The following MGAT5B variants were observed in gnomAD, a reference collection of about 807,000 sequenced individuals.
The protein encoded by MGAT5B is alpha-1,6-mannosylglycoprotein 6-beta-N-acetylglucosaminyltransferase B.
Under a neutral mutation model 95.1 loss-of-function variants are expected in MGAT5B, and 54 were observed. That is an observed-to-expected ratio of 0.57 (90% CI 0.46 to 0.71). The LOEUF is 0.71. MGAT5B is among the 30% of genes least tolerant of loss of function. The probability of loss-of-function intolerance (pLI) is 0.00; values close to 1 mark genes in which losing one functional copy is unlikely to be tolerated. For missense variants in MGAT5B, 935 were observed against 1,088.6 expected (o/e 0.86, Z 1.99); for synonymous variants, 464 against 451.0 (o/e 1.03, Z -0.36).
intron 11 of MGAT5B, among the ~76,000 whole-genome samples, 175 bp downstream of exon 11, chr17:76,932,950 A>C (rs1969542085): frequency 6.6e-6 from 1 of 152,196 alleles, no homozygotes; most frequent in Non-Finnish European, 1.5e-5. Flanking sequence ...CTATTTAAAG[A>C]CACCCAGCCT....
rs1458198151 is a variant in MGAT5B at position 76,914,459 on chromosome 17, C to T, written c.1025+8272C>T. On this transcript the variant is annotated intron_variant, in intron 8 of 17. Transcript: ENST00000569840. This position sits in a 1 kb window ranked among gnomAD's most constrained non-coding sequence, Gnocchi z 5.1. ...TAAACCACACAAATGTGTCCTCTTA[C>T]AGTCCTGAAGGCTGGAAGTCTGAAA... 2.0e-5 allele frequency among the ~76,000 whole-genome samples: 3 copies of T among 152,188 alleles called. No homozygotes were observed. Among genetic ancestry groups the T allele is most frequent in the Non-Finnish European group, 2.9e-5 (2 of 68,034 alleles).
At chr17:76,944,192 T>G (rs1417699227) in intron 15 of MGAT5B, 1 of 152,198 alleles carries the variant, frequency 6.6e-6, no homozygotes, top group African/African-American at 2.4e-5. Flanking sequence ...GGGGGTAATT[T>G]CCAGGCCAGG....
rs764595054 is a variant in MGAT5B, at chr17:76,938,133, G to C, written c.1574G>C (p.Arg525Pro). The C allele has an allele frequency of 6.2e-7, 1 of 1,614,064 alleles. No homozygotes were observed. Among genetic ancestry groups the C allele is most frequent in the Non-Finnish European group, 8.5e-7 (1 of 1,180,002 alleles). ...LPQPEFQQLL[R>P]KAKLFIGFGF... is the part of the protein sequence containing the mutation. ...CAGCCTGAGTTTCAGCAGCTGCTGC[G>C]CAAGGCCAAAGTGAGCTCCCATCCC... Residue 525 changes from arginine to proline, a missense_variant, in exon 13 of 18, where the codon CGC (arginine) becomes CCC (proline). This residue lies in a region of MGAT5B where 440 missense variants were observed against 523.6 expected (regional missense o/e 0.84). Coordinates refer to ENST00000569840, the MANE Select transcript of MGAT5B (RefSeq NM_001199172.2). This position sits in a 1 kb window ranked among gnomAD's most constrained non-coding sequence, Gnocchi z 4.3.
At chr17:76,939,026 G>GT (rs1047094174) in intron 13 of MGAT5B, among the ~76,000 whole-genome samples, 1 of 85,214 alleles carries the variant, frequency 1.2e-5, no homozygotes, top group Non-Finnish European at 2.5e-5. Flanking sequence ...AAGGCATCTT[G>GT]GGGGTGTGTG....
At chr17:76,921,444 A>C (rs35957261) in intron 8 of MGAT5B, among the ~76,000 whole-genome samples, 88,626 of 151,490 alleles carry the variant, frequency 0.59, 26,072 homozygotes, top group Non-Finnish European at 0.61. Flanking sequence ...ATTGCTCAGC[A>C]GGGGGCCCCT....
chr17:76,947,704 A>G lies in MGAT5B; in HGVS notation c.1924-126A>G, dbSNP rs2145293905. 3.6e-6 allele frequency: 5 copies of G among 1,376,338 alleles called. 1 individual carries two copies. The South Asian group carries it at 9.5e-5, about 26-fold the overall frequency. The allele number at this position is 1,376,338 out of a possible 1,614,324, so 85.3% of individuals were successfully genotyped here. On this transcript the variant is annotated intron_variant, in intron 16 of 17. Transcript: ENST00000569840. ...TAAATGAAATAATGCAGGTAAAGCT[A>G]CCTGGTATTCAGTAAGCGCCCAGTA...
chr17:76,923,442 G>A (rs1342709359), intron 8 of MGAT5B, among the ~76,000 whole-genome samples: 5 of 152,166 alleles, frequency 3.3e-5, no homozygotes, highest in East Asian at 1.9e-4. Flanking sequence ...GATGGGACCC[G>A]ATGGCCTGGC....
intron 15 of MGAT5B, among the ~76,000 whole-genome samples, chr17:76,941,352 A>G (rs1191342770): frequency 6.6e-6 from 1 of 152,184 alleles, no homozygotes; most frequent in African/African-American, 2.4e-5. Flanking sequence ...TGGTGTGTGT[A>G]GGTGCACATG....
At chr17:76,948,608 G>C in intron 17 of MGAT5B, 32 bp from the exon 18 acceptor site, 1 of 1,591,204 alleles carries the variant, frequency 6.3e-7, no homozygotes, top group South Asian at 1.1e-5. Flanking sequence ...AGTGACCAAC[G>C]CTGAGTGACG....
rs736100 is a variant in MGAT5B at position 76,918,076 on chromosome 17, G to A, written c.1026-6890G>A. ...CCTATTCTTAGCACTGAGTTTGCTT[G>A]CTAGGAAAGAACGCTGGGGAAGAAA... On this transcript the variant is annotated intron_variant, in intron 8 of 17. Transcript: ENST00000569840. This position sits in a 1 kb window ranked among gnomAD's most constrained non-coding sequence, Gnocchi z 5.1. Among the ~76,000 whole-genome samples the A allele has an allele frequency of 0.21, 32,628 of 152,078 alleles. 4,093 individuals carry two copies. The highest frequency in any genetic ancestry group is 0.38 in the East Asian group (1,949 of 5,160).
rs1271020090 is a variant in MGAT5B, at chr17:76,896,799, G to C, written c.330-5756G>C. On this transcript the variant is annotated intron_variant, in intron 3 of 17. Transcript: ENST00000569840. ...CGCTTGAAACTCAAGGACATCCCTT[G>C]ATTTCTTTCTTTCCTGTGAGAGCGG... Among the ~76,000 whole-genome samples, 5 of 152,218 alleles carry C rather than the reference G, an allele frequency of 3.3e-5. No individual in the cohort carries two copies. In the East Asian group the frequency reaches 9.6e-4, roughly 29 times the overall value.
intron 13 of MGAT5B, among the ~76,000 whole-genome samples, chr17:76,939,186 C>G (rs944243315): frequency 2.6e-5 from 4 of 151,918 alleles, no homozygotes; most frequent in Middle Eastern, 6.8e-3. Flanking sequence ...CTGTGCACTC[C>G]TAGCACAAGT....
At position 76,916,714 on chromosome 17, in the gene MGAT5B, G is replaced by A. The variant is rs1029528753; in HGVS notation, c.1026-8252G>A. Among the ~76,000 whole-genome samples, 2 of 152,200 alleles carry A rather than the reference G, an allele frequency of 1.3e-5. No individual in the cohort carries two copies. Among genetic ancestry groups the A allele is most frequent in the Non-Finnish European group, 2.9e-5 (2 of 68,038 alleles). On this transcript the variant is annotated intron_variant, in intron 8 of 17. Transcript: ENST00000569840. The surrounding 1 kb of genome is among the most constrained non-coding windows in gnomAD (Gnocchi z 5.3). ...GGCAGGATTCATCCCTGGGGAGGAG[G>A]CATCAGGGCCTCTGTGAATCTCAGG...
chr17:76,919,301 G>T (rs1271698618), intron 8 of MGAT5B, among the ~76,000 whole-genome samples: 1 of 152,230 alleles, frequency 6.6e-6, no homozygotes, highest in Non-Finnish European at 1.5e-5. Flanking sequence ...TATTGTTTAT[G>T]GCCAGCTGGG....
Position 76,948,878 on chromosome 17 carries a change from T to C in MGAT5B, c.*40T>C, listed in dbSNP as rs748006684. On this transcript the variant is annotated 3_prime_UTR_variant, in exon 18 of 18. Coordinates refer to ENST00000569840, the MANE Select transcript of MGAT5B (RefSeq NM_001199172.2). ...CCCTGCCTGGCACCCACGCTGGCTC[T>C]CTCCTGCCGCGGGAGAAAGCACCAG... 1 of 1,523,834 alleles carries C rather than the reference T, an allele frequency of 6.6e-7. No homozygotes were observed. The highest frequency in any genetic ancestry group is 1.2e-5 in the South Asian group (1 of 82,998). The allele number at this position is 1,523,834 out of a possible 1,614,324, so 94.4% of individuals were successfully genotyped here.
chr17:76,886,622 A>G (rs973090192), intron 3 of MGAT5B, among the ~76,000 whole-genome samples: 1 of 152,244 alleles, frequency 6.6e-6, no homozygotes, highest in African/African-American at 2.4e-5. Context: ...GAAGGAGCAG[A>G]TGGCTGAGGT....
At chr17:76,946,276 G>A (rs1341776243) in intron 15 of MGAT5B, 100 bp from the exon 16 acceptor site, 1 of 998,406 alleles carries the variant, frequency 1.0e-6, no homozygotes, top group East Asian at 2.9e-5. Context: ...GGCACAGGAT[G>A]TGAGAGCCCA....
chr17:76,940,599 C>A lies in MGAT5B; in HGVS notation c.1731+51C>A. On this transcript the variant is annotated intron_variant, in intron 14 of 17. Transcript: ENST00000569840. The surrounding 1 kb of genome is among the most constrained non-coding windows in gnomAD (Gnocchi z 4.3). ...GATCAGGAGGGGCCGGGACAGAGAC[C>A]CCTGCAGGTCCTGGAAGAGGCAGAC... is the stretch of plus-strand genomic sequence containing the variant. 1.3e-6 allele frequency: 2 copies of A among 1,585,524 alleles called. No individual in the cohort carries two copies. The highest frequency in any genetic ancestry group is 1.7e-6 in the Non-Finnish European group (2 of 1,162,138).
rs1968978416 is a variant in MGAT5B, at chr17:76,917,441, G to T, written c.1026-7525G>T. On this transcript the variant is annotated intron_variant, in intron 8 of 17. Transcript: ENST00000569840. The surrounding 1 kb of genome is among the most constrained non-coding windows in gnomAD (Gnocchi z 6.1). ...CCGTGGGCTGAGTCACTTGTCATAA[G>T]TGACTCCATTTTGAGATTATTTAGG... Among the ~76,000 whole-genome samples the T allele has an allele frequency of 6.6e-6, 1 of 152,034 alleles. No homozygotes were observed. The highest frequency in any genetic ancestry group is 2.4e-5 in the African/African-American group (1 of 41,358).
Sources: gnomAD v4.1 joint callset for allele counts (sites outside exome capture counted in the v4.1 genomes callset) on GRCh38, gnomAD v4.1.1 for gene constraint, gnomAD v4.1.1 regional missense constraint, Gnocchi (gnomAD v3.1) non-coding constraint, MANE v1.5 for transcripts, NCBI Gene and HGNC (gene_info 2026-07-23, HGNC 2026-07-21) for gene names.